ABCC1: variants seen among roughly 807,000 people sequenced by gnomAD.
The protein encoded by ABCC1 is multidrug resistance-associated protein 1.
In ABCC1, 83 loss-of-function variants were observed where a neutral mutation model predicts 172.9. The observed-to-expected ratio is 0.48, with a 90% confidence interval of 0.40 to 0.58. ABCC1 has a LOEUF of 0.58. ABCC1 is among the 20% of genes least tolerant of loss of function. The pLI, the probability that ABCC1 is intolerant of heterozygous loss-of-function variation, is 0.00. For synonymous variants in ABCC1, 937 were observed against 825.2 expected (o/e 1.14, Z -2.32); for missense variants, 1,817 against 2,002.7 (o/e 0.91, Z 1.77).
At chr16:16,097,869 C>CT (rs2051551812) in intron 19 of ABCC1, 1 of 152,284 alleles carries the variant, frequency 6.6e-6, no homozygotes, top group South Asian at 2.1e-4. Context: ...TGTAACTGCA[C>CT]TTGGCCACCT....
chr16:15,979,768 T>C (rs1348960141), intron 1 of ABCC1, among the ~76,000 whole-genome samples: 2 of 152,168 alleles, frequency 1.3e-5, no homozygotes, highest in Non-Finnish European at 1.5e-5. Flanking sequence ...TCAAAGTGAC[T>C]GTAGTCAACA....
Position 16,055,672 on chromosome 16 carries a change from G to A in ABCC1, c.1474-420G>A, listed in dbSNP as rs1473394750. Among the ~76,000 whole-genome samples, 5 of 152,130 alleles carry A rather than the reference G, an allele frequency of 3.3e-5. No individual in the cohort carries two copies. The East Asian group carries it at 9.6e-4, about 29-fold the overall frequency. On this transcript the variant is annotated intron_variant, in intron 11 of 30. Coordinates refer to ENST00000399410, the MANE Select transcript of ABCC1 (RefSeq NM_004996.4). Reference sequence around the variant, plus strand: ...TCTGTACACCTGAAGGGTTTTTCTTGCCTCTGTTCCTGGATTCTAAATTGA... The same window carrying A: ...TCTGTACACCTGAAGGGTTTTTCTTACCTCTGTTCCTGGATTCTAAATTGA...
At position 15,960,028 on chromosome 16, in the gene ABCC1, T is replaced by A. The variant is rs1166092589; in HGVS notation, c.48+10229T>A. On this transcript the variant is annotated intron_variant, in intron 1 of 30. Transcript: ENST00000399410. ...AACCTCAGTGTACCTTTTACTGGCC[T>A]CCTAGGTAATACTTGTTTGGAGAAT... Among the ~76,000 whole-genome samples, 3 of 152,338 alleles carry A rather than the reference T, an allele frequency of 2.0e-5. No individual in the cohort carries two copies. The South Asian group carries it at 6.2e-4, about 32-fold the overall frequency.
At chr16:15,967,471 A>G (rs1381152313) in intron 1 of ABCC1, among the ~76,000 whole-genome samples, 2 of 151,842 alleles carry the variant, frequency 1.3e-5, no homozygotes, top group African/African-American at 4.8e-5. Context: ...TGGACTGGGC[A>G]CTGTTGCTGT....
chr16:16,068,536 G>A (rs1241198888), intron 13 of ABCC1, among the ~76,000 whole-genome samples: 1 of 152,184 alleles, frequency 6.6e-6, no homozygotes, highest in Non-Finnish European at 1.5e-5. Context: ...ATGCAGCAGG[G>A]CTTTCCCATG....
chr16:16,099,101 C>T (rs902126929), intron 19 of ABCC1, among the ~76,000 whole-genome samples: 5 of 152,200 alleles, frequency 3.3e-5, no homozygotes, highest in African/African-American at 1.2e-4. Flanking sequence ...GGGGATACAG[C>T]CTGAGTCCCC....
Position 16,009,210 on chromosome 16 carries a change from C to T in ABCC1, c.226-566C>T, listed in dbSNP as rs574275465. Among the ~76,000 whole-genome samples the T allele has an allele frequency of 1.2e-4, 18 of 152,196 alleles. No individual in the cohort carries two copies. The East Asian group carries it at 2.5e-3, about 21-fold the overall frequency. On this transcript the variant is annotated intron_variant, in intron 2 of 30. Transcript: ENST00000399410. ...CTGGCTTCCAGTGATCCTCCTGCCT[C>T]GGCCTCCCAAAGTGCTGGTATTACA...
intron 1 of ABCC1, among the ~76,000 whole-genome samples, chr16:15,965,013 A>G (rs1254080588): frequency 6.6e-6 from 1 of 152,144 alleles, no homozygotes; most frequent in Admixed American, 6.6e-5. Flanking sequence ...CCTGTATTGT[A>G]TAAATATTTT....
intron 14 of ABCC1, among the ~76,000 whole-genome samples, chr16:16,072,888 A>G (rs2050405240): frequency 6.6e-6 from 1 of 151,612 alleles, no homozygotes; most frequent in African/African-American, 2.4e-5. Context: ...CTGAAAATAC[A>G]AAAATTAGCT....
At chr16:16,026,465 C>CTTTTTTT (rs1157942197) in intron 5 of ABCC1, among the ~76,000 whole-genome samples, 78 of 95,482 alleles carry the variant, frequency 8.2e-4, no homozygotes, top group African/African-American at 2.7e-3. Flanking sequence ...AGGCTATTTC[C>CTTTTTTT]TTTTTTTTTT....
At chr16:16,030,946 A>G (rs2048538506) in intron 5 of ABCC1, among the ~76,000 whole-genome samples, 1 of 151,884 alleles carries the variant, frequency 6.6e-6, no homozygotes, top group Admixed American at 6.6e-5. Context: ...CGCCTCATGG[A>G]TTCAAGCAAT....
chr16:16,138,636 C>T (rs898593252), intron 30 of ABCC1, 78 bp downstream of exon 30: 1 of 1,218,532 alleles, frequency 8.2e-7, no homozygotes, highest in African/African-American at 1.5e-5. Context: ...TTCATTAATT[C>T]ATTCAACACT....
chr16:16,026,010 A>G (rs1010687706), intron 5 of ABCC1, among the ~76,000 whole-genome samples: 3 of 152,168 alleles, frequency 2.0e-5, no homozygotes, highest in African/African-American at 7.2e-5. Flanking sequence ...TTTGGGTTAA[A>G]TGACATGCTC....
chr16:16,053,768 C>G (rs1444967098), intron 11 of ABCC1, among the ~76,000 whole-genome samples: 2 of 81,154 alleles, frequency 2.5e-5, no homozygotes, highest in Non-Finnish European at 4.7e-5. Context: ...GAGTGAGACC[C>G]TGTCTCAAAA....
chr16:16,020,405 C>T (rs914609383), intron 5 of ABCC1, among the ~76,000 whole-genome samples: 3 of 152,206 alleles, frequency 2.0e-5, no homozygotes, highest in Non-Finnish European at 4.4e-5. Flanking sequence ...TTGCCATTTA[C>T]CTTTTTGCAG....
chr16:16,013,125 G>T (rs1356410187), intron 3 of ABCC1, among the ~76,000 whole-genome samples: 1 of 152,136 alleles, frequency 6.6e-6, no homozygotes, highest in Admixed American at 6.5e-5. Flanking sequence ...GAGATCCTCA[G>T]CCTCTCTTTA....
chr16:16,074,927 C>T (rs1354135469), intron 14 of ABCC1, among the ~76,000 whole-genome samples: 1 of 148,682 alleles, frequency 6.7e-6, no homozygotes, highest in East Asian at 2.0e-4. Flanking sequence ...CAGAGAGCTG[C>T]TTTTCTGTTT....
chr16:16,091,036 C>T (rs1432723721), intron 19 of ABCC1, among the ~76,000 whole-genome samples: 2 of 152,038 alleles, frequency 1.3e-5, no homozygotes, highest in African/African-American at 2.4e-5. Flanking sequence ...GGGTTGGTGA[C>T]GTCTGGGTTC....
At chr16:16,136,441 G>C in intron 28 of ABCC1, 37 bp from the exon 29 acceptor site, 1 of 1,607,822 alleles carries the variant, frequency 6.2e-7, no homozygotes, top group Non-Finnish European at 8.5e-7. Context: ...GCGTGACACA[G>C]GTGTCACATG....
Sources: allele counts gnomAD v4.1 joint callset (sites outside exome capture counted in the v4.1 genomes callset), GRCh38; gene constraint gnomAD v4.1.1; transcripts MANE v1.5; gene names NCBI Gene and HGNC (gene_info 2026-07-23, HGNC 2026-07-21).